The following FABP12 variants were observed in gnomAD, a reference collection of about 807,000 sequenced individuals.
FABP12 encodes the protein fatty acid binding protein 12, also known as fatty acid-binding protein 12.
A neutral mutation model predicts 13.7 loss-of-function variants in FABP12; 19 were observed. That is an observed-to-expected ratio of 1.39 (90% CI 0.97 to 2.04). FABP12 has a LOEUF of 2.04. Among genes scored for constraint, FABP12 ranks in the 30% most tolerant of loss-of-function variants. FABP12 has a pLI of 0.00. For synonymous variants in FABP12, 61 were observed against 57.0 expected (o/e 1.07, Z -0.32); for missense variants, 182 against 164.2 (o/e 1.11, Z -0.59).
chr8:81,582,994 T>A (rs1448993608), intron 1 of FABP12, among the ~76,000 whole-genome samples: 1 of 152,180 alleles, frequency 6.6e-6, no homozygotes, highest in Non-Finnish European at 1.5e-5. Flanking sequence ...ATCAAAATTA[T>A]ATTAAGTACC....
chr8:81,529,043 C>A (rs977438130), intron 3 of FABP12, among the ~76,000 whole-genome samples: 1 of 152,144 alleles, frequency 6.6e-6, no homozygotes, highest in Non-Finnish European at 1.5e-5. Flanking sequence ...TTCATTGTCA[C>A]GGTGGCATAA....
intron 1 of FABP12, among the ~76,000 whole-genome samples, chr8:81,574,390 T>C (rs890314752): frequency 6.6e-6 from 1 of 152,168 alleles, no homozygotes; most frequent in Non-Finnish European, 1.5e-5. Context: ...TCTATGTTTA[T>C]CAAGGATACC....
chr8:81,538,034 C>T (rs1022611198), upstream of FABP12, among the ~76,000 whole-genome samples: 4 of 152,108 alleles, frequency 2.6e-5, no homozygotes, highest in South Asian at 4.1e-4. Flanking sequence ...ATGAGGGCCT[C>T]AGGAAGCTTA....
intron 4 of FABP12, chr8:81,526,174 A>T (rs779169920): frequency 4.6e-5 from 7 of 152,220 alleles, no homozygotes; most frequent in Non-Finnish European, 1.0e-4. Flanking sequence ...GTATTAAGAA[A>T]CAAGGTTAGA....
Position 81,531,145 on chromosome 8 carries a change from AG to A in FABP12, c.73+97del. ...TTTATTTTTTCCTATGTGAAAAATT[AG>A]GGAGTTCAAGATTAATATTATTTTA... On this transcript the variant is annotated intron_variant, in intron 2 of 4. Coordinates refer to ENST00000360464, the Ensembl canonical transcript of FABP12. 4 of 771,346 alleles carry A rather than the reference AG, an allele frequency of 5.2e-6. No individual in the cohort carries two copies. The South Asian group carries it at 6.7e-5, about 13-fold the overall frequency. The allele number at this position is 771,346 out of a possible 1,614,324, so 47.8% of individuals were successfully genotyped here.
intron 1 of FABP12, among the ~76,000 whole-genome samples, chr8:81,544,064 C>G (rs1166392798): frequency 6.6e-6 from 1 of 152,056 alleles, no homozygotes; most frequent in Non-Finnish European, 1.5e-5. Context: ...TAAGTTCACT[C>G]TAGGTTACAG....
upstream of FABP12, among the ~76,000 whole-genome samples, chr8:81,538,901 G>T (rs1280933309): frequency 1.3e-5 from 2 of 152,070 alleles, no homozygotes; most frequent in East Asian, 1.9e-4. Context: ...CCAGGCAGGA[G>T]TGCAGTGTGC....
chr8:81,569,895 T>C (rs1809893328), intron 1 of FABP12, among the ~76,000 whole-genome samples: 1 of 152,236 alleles, frequency 6.6e-6, no homozygotes, highest in South Asian at 2.1e-4. Flanking sequence ...TCAGGCCTAC[T>C]GGGCTCGTTC....
intron 3 of FABP12, among the ~76,000 whole-genome samples, chr8:81,527,613 T>C (rs1436494274): frequency 6.6e-6 from 1 of 152,172 alleles, no homozygotes; most frequent in Non-Finnish European, 1.5e-5. Flanking sequence ...CTGCCCACAT[T>C]GGCCTCCCAA....
At chr8:81,553,221 A>AG (rs757395075) in intron 1 of FABP12, among the ~76,000 whole-genome samples, 2 of 152,116 alleles carry the variant, frequency 1.3e-5, no homozygotes, top group Non-Finnish European at 2.9e-5. Flanking sequence ...ATGCCACTAG[A>AG]CCTATCTCTT....
chr8:81,525,619 T>G (rs1377216542), intron 4 of FABP12, among the ~76,000 whole-genome samples: 1 of 152,136 alleles, frequency 6.6e-6, no homozygotes, highest in Non-Finnish European at 1.5e-5. Context: ...TAGCTGGTTT[T>G]GCCATGTTCT....
At chr8:81,529,291 T>G (rs879888773) in intron 3 of FABP12, 147 bp downstream of exon 3, 6 of 753,428 alleles carry the variant, frequency 8.0e-6, no homozygotes, top group Non-Finnish European at 1.3e-5. Context: ...GATTTGTATC[T>G]TCACATTGAC....
At chr8:81,566,923 A>G (rs1035374537) in intron 1 of FABP12, among the ~76,000 whole-genome samples, 1 of 152,164 alleles carries the variant, frequency 6.6e-6, no homozygotes, top group Non-Finnish European at 1.5e-5. Flanking sequence ...AGACTCTATC[A>G]AAAAACGATT....
At chr8:81,538,902 T>A (rs1809284434), upstream of FABP12, among the ~76,000 whole-genome samples, 1 of 152,158 alleles carries the variant, frequency 6.6e-6, no homozygotes, top group African/African-American at 2.4e-5. Context: ...CAGGCAGGAG[T>A]GCAGTGTGCA....
upstream of FABP12, among the ~76,000 whole-genome samples, chr8:81,537,283 A>G (rs1007405998): frequency 3.9e-5 from 6 of 152,250 alleles, no homozygotes; most frequent in Non-Finnish European, 8.8e-5. Context: ...AATTGAGGAA[A>G]GAAACCTAGT....
At chr8:81,589,431 A>C (rs1246890630) in intron 1 of FABP12, among the ~76,000 whole-genome samples, 7 of 144,610 alleles carry the variant, frequency 4.8e-5, no homozygotes, top group Non-Finnish European at 1.0e-4. Context: ...TGTCTGCAAC[A>C]TCTCTCCAGC....
chr8:81,589,931 C>G (rs1810295181), intron 1 of FABP12, among the ~76,000 whole-genome samples: 1 of 152,140 alleles, frequency 6.6e-6, no homozygotes, highest in African/African-American at 2.4e-5. Context: ...ACTGAAATTC[C>G]AACATGAAAA....
intron 2 of FABP12, among the ~76,000 whole-genome samples, chr8:81,539,184 T>C (rs974273152): frequency 6.6e-6 from 1 of 152,282 alleles, no homozygotes; most frequent in Admixed American, 6.5e-5. Flanking sequence ...TATTTTATTA[T>C]GTAAAATGCC....
upstream of FABP12, among the ~76,000 whole-genome samples, chr8:81,535,891 C>T (rs1439938204): frequency 6.6e-6 from 1 of 152,122 alleles, no homozygotes; most frequent in African/African-American, 2.4e-5. Context: ...AGTCTGCTGC[C>T]CATCCATTCC....
Sources: gnomAD v4.1 joint callset for allele counts (sites outside exome capture counted in the v4.1 genomes callset) on GRCh38, gnomAD v4.1.1 for gene constraint, MANE v1.5 for transcripts, NCBI Gene and HGNC (gene_info 2026-07-23, HGNC 2026-07-21) for gene names.